BRINP1: variants seen among roughly 807,000 people sequenced by gnomAD.
BRINP1 encodes BMP/retinoic acid inducible neural specific 1, also known as BMP/retinoic acid-inducible neural-specific protein 1.
In BRINP1, 17 loss-of-function variants were observed where a neutral mutation model predicts 72.9. The ratio of observed to expected loss-of-function variants is 0.23; its 90% CI spans 0.16 to 0.35. The LOEUF is 0.35. Ranked by LOEUF, BRINP1 falls within the 10% of genes least tolerant of loss-of-function variation. The pLI is 1.00. For synonymous variants in BRINP1, 418 were observed against 378.5 expected (o/e 1.10, Z -1.21); for missense variants, 850 against 1,001.6 (o/e 0.85, Z 2.04).
At chr9:119,296,427 A>G (rs1294118015) in intron 2 of BRINP1, among the ~76,000 whole-genome samples, 3 of 152,226 alleles carry the variant, frequency 2.0e-5, no homozygotes, top group Non-Finnish European at 2.9e-5. Flanking sequence ...GCAAATTTAT[A>G]CAGCCATTTT....
chr9:119,233,664 C>A (rs1830167140), intron 5 of BRINP1, among the ~76,000 whole-genome samples: 1 of 152,158 alleles, frequency 6.6e-6, no homozygotes, highest in Non-Finnish European at 1.5e-5. Flanking sequence ...CACAGAAATG[C>A]ATACATACAA....
intron 1 of BRINP1, among the ~76,000 whole-genome samples, chr9:119,367,222 A>ATATATATATATATATATATC (rs1831703607): frequency 7.0e-5 from 1 of 14,368 alleles, no homozygotes; most frequent in Non-Finnish European, 2.4e-4. Flanking sequence ...TGTGTGATTG[A>ATATATATATATATATATATC]TATATATATA....
chr9:119,367,240 A>ATATATATATATATATATATATC (rs1471272813), intron 1 of BRINP1, among the ~76,000 whole-genome samples: 9 of 142,888 alleles, frequency 6.3e-5, no homozygotes, highest in African/African-American at 2.1e-4. Flanking sequence ...ATATATATAT[A>ATATATATATATATATATATATC]TATCTTCCTA....
intron 7 of BRINP1, among the ~76,000 whole-genome samples, chr9:119,181,933 CAGATA>C (rs1487420218): frequency 3.3e-5 from 5 of 152,178 alleles, no homozygotes; most frequent in Non-Finnish European, 5.9e-5. Context: ...TTCTGAGGCT[CAGATA>C]AGATGATGTG....
intron 2 of BRINP1, among the ~76,000 whole-genome samples, chr9:119,310,341 A>G (rs926758593): frequency 6.6e-6 from 1 of 152,206 alleles, no homozygotes; most frequent in East Asian, 1.9e-4. Context: ...TGTGAGTGAC[A>G]GAGCATTTAC....
In BRINP1 at chr9:119,167,306, G is replaced by T; in HGVS notation, c.2064C>A (p.Ser688=). 1 of 1,614,144 alleles carries T rather than the reference G, an allele frequency of 6.2e-7. No individual in the cohort carries two copies. The highest frequency in any genetic ancestry group is 8.5e-7 in the Non-Finnish European group (1 of 1,180,030). Residue 688 remains serine, a synonymous_variant, in exon 8 of 8, where the codon TCC becomes TCA. Transcript: ENST00000265922. This position sits in a 1 kb window ranked among gnomAD's most constrained non-coding sequence, Gnocchi z 4.3. ...ACAAGAGGAGCATCACTGACGAAGAGGAATAGAACTGGCCGCCCTGTGTGT... is the reference window on the plus strand; with the variant it reads ...ACAAGAGGAGCATCACTGACGAAGATGAATAGAACTGGCCGCCCTGTGTGT... The part of the protein sequence containing the change: ...QSYTQGGQFY[S]SSSVMLLLLD...
At chr9:119,332,378 A>G (rs1360687961) in intron 1 of BRINP1, among the ~76,000 whole-genome samples, 3 of 152,134 alleles carry the variant, frequency 2.0e-5, no homozygotes, top group Non-Finnish European at 4.4e-5. Flanking sequence ...ATAACAACCT[A>G]TGGGATAGTT....
rs144301442 is a variant in BRINP1, at chr9:119,192,933, C to T, written c.1145+15786G>A. Among the ~76,000 whole-genome samples, 644 of 152,116 alleles carry T rather than the reference C, an allele frequency of 4.2e-3. 5 individuals carry two copies. Among genetic ancestry groups the T allele is most frequent in the African/African-American group, 0.015 (613 of 41,548 alleles). ...ACTGGGAACTGGCTCCTCAACCCCC[C>T]AAAAATACCAAAATCTGATGATGTT... On this transcript the variant is annotated intron_variant, in intron 7 of 7. Coordinates refer to ENST00000265922, the MANE Select transcript of BRINP1 (RefSeq NM_014618.3).
intron 1 of BRINP1, among the ~76,000 whole-genome samples, chr9:119,331,932 C>T (rs1026348735): frequency 1.2e-4 from 18 of 152,262 alleles, no homozygotes; most frequent in Admixed American, 5.9e-4. Flanking sequence ...GTAAATTCTC[C>T]GGTGAATGTT....
intron 7 of BRINP1, among the ~76,000 whole-genome samples, chr9:119,205,470 A>C (rs1005805624): frequency 1.3e-5 from 2 of 152,162 alleles, no homozygotes; most frequent in African/African-American, 4.8e-5. Flanking sequence ...ACACCTGACG[A>C]CTTGCAGAAG....
intron 7 of BRINP1, among the ~76,000 whole-genome samples, chr9:119,170,038 G>GAACAGAA (rs1829383773): frequency 6.6e-6 from 1 of 152,134 alleles, no homozygotes; most frequent in African/African-American, 2.4e-5. Context: ...GGAAAAAACA[G>GAACAGAA]AACAGAAAAA....
chr9:119,296,953 T>C (rs1830886622), intron 2 of BRINP1, among the ~76,000 whole-genome samples: 1 of 152,174 alleles, frequency 6.6e-6, no homozygotes, highest in African/African-American at 2.4e-5. Context: ...TACAGCATGG[T>C]GACTATAGTT....
intron 1 of BRINP1, among the ~76,000 whole-genome samples, chr9:119,337,965 C>T (rs1194361218): frequency 6.6e-6 from 1 of 152,200 alleles, no homozygotes; most frequent in Non-Finnish European, 1.5e-5. Context: ...CCTGGCTCCT[C>T]CATATCTCCC....
intron 2 of BRINP1, among the ~76,000 whole-genome samples, chr9:119,266,499 T>C (rs1041499100): frequency 1.3e-5 from 2 of 152,182 alleles, no homozygotes; most frequent in Non-Finnish European, 2.9e-5. Context: ...ATATTTAACA[T>C]TTTTTTGTGA....
At chr9:119,179,008 C>T (rs1291751505) in intron 7 of BRINP1, among the ~76,000 whole-genome samples, 1 of 152,168 alleles carries the variant, frequency 6.6e-6, no homozygotes, top group Non-Finnish European at 1.5e-5. Context: ...AATTGGGGCT[C>T]CCGACAAGTG....
chr9:119,235,996 A>T (rs547852550), intron 5 of BRINP1, among the ~76,000 whole-genome samples: 2 of 152,276 alleles, frequency 1.3e-5, no homozygotes, highest in African/African-American at 4.8e-5. Flanking sequence ...TTTTACATTG[A>T]GTTAAAAGCT....
At chr9:119,292,979 A>G (rs550672313) in intron 2 of BRINP1, among the ~76,000 whole-genome samples, 1 of 152,302 alleles carries the variant, frequency 6.6e-6, no homozygotes, top group African/African-American at 2.4e-5. Flanking sequence ...TTCCACAAAG[A>G]CCTGTTGAAT....
At chr9:119,297,126 G>C (rs1447532120) in intron 2 of BRINP1, among the ~76,000 whole-genome samples, 2 of 152,076 alleles carry the variant, frequency 1.3e-5, no homozygotes, top group Admixed American at 1.3e-4. Flanking sequence ...AAAACATCTA[G>C]TTGCATACCT....
intron 7 of BRINP1, among the ~76,000 whole-genome samples, chr9:119,195,678 G>C (rs886515769): frequency 5.9e-5 from 9 of 152,182 alleles, no homozygotes; most frequent in Admixed American, 5.9e-4. Flanking sequence ...GCAGCTGCTG[G>C]TTAGCAGTCG....
Sources: allele counts gnomAD v4.1 joint callset (sites outside exome capture counted in the v4.1 genomes callset), GRCh38; gene constraint gnomAD v4.1.1; non-coding constraint Gnocchi (gnomAD v3.1); transcripts MANE v1.5; gene names NCBI Gene and HGNC (gene_info 2026-07-23, HGNC 2026-07-21).